The following WARS2 variants were observed in gnomAD, a reference collection of about 807,000 sequenced individuals.
The protein encoded by WARS2 is tryptophan--tRNA ligase, mitochondrial.
In WARS2, 28 loss-of-function variants were observed where a neutral mutation model predicts 36.5. The ratio of observed to expected loss-of-function variants is 0.77; its 90% CI spans 0.57 to 1.05. WARS2 has a LOEUF of 1.05. Among genes scored for constraint, WARS2 ranks in the 50% least tolerant of loss-of-function variants. The probability of loss-of-function intolerance (pLI) is 0.00; values close to 1 mark genes in which losing one functional copy is unlikely to be tolerated. For synonymous variants in WARS2, 174 were observed against 178.4 expected (o/e 0.98, Z 0.20); for missense variants, 435 against 456.8 (o/e 0.95, Z 0.44).
intron 1 of WARS2, among the ~76,000 whole-genome samples, chr1:119,128,332 A>G (rs947219186): frequency 6.6e-6 from 1 of 151,988 alleles, no homozygotes; most frequent in African/African-American, 2.4e-5. Flanking sequence ...CAGCCTCCCA[A>G]AGTGCTGGGA....
intron 1 of WARS2, chr1:119,139,910 C>G (rs957413435): frequency 1.3e-5 from 2 of 152,052 alleles, no homozygotes; most frequent in African/African-American, 4.8e-5. Flanking sequence ...AAGACCAGGC[C>G]GCGACATGGT....
At chr1:119,101,322 A>T (rs1362508541) in intron 1 of WARS2, among the ~76,000 whole-genome samples, 1 of 152,206 alleles carries the variant, frequency 6.6e-6, no homozygotes, top group Non-Finnish European at 1.5e-5. Context: ...AAATAAAAAT[A>T]AAAATAAAAT....
intron 2 of WARS2, chr1:119,047,540 T>A (rs779144360): frequency 1.3e-5 from 2 of 152,212 alleles, no homozygotes; most frequent in Admixed American, 1.3e-4. Context: ...ATGGTGAGCA[T>A]AAAATTAATT....
chr1:119,129,633 T>C (rs1266146982), intron 1 of WARS2, among the ~76,000 whole-genome samples: 5 of 152,024 alleles, frequency 3.3e-5, no homozygotes, highest in Admixed American at 2.6e-4. Context: ...GAGGATCGCT[T>C]GAGTCCAGGA....
intron 1 of WARS2, among the ~76,000 whole-genome samples, chr1:119,079,366 G>A (rs778981154): frequency 4.0e-5 from 6 of 151,720 alleles, no homozygotes; most frequent in African/African-American, 4.8e-5. Flanking sequence ...CCCTTTATAC[G>A]TATCAATATA....
intron 1 of WARS2, among the ~76,000 whole-genome samples, chr1:119,107,689 G>C (rs1654340741): frequency 8.6e-6 from 1 of 116,116 alleles, no homozygotes; most frequent in South Asian, 2.5e-4. Context: ...GAGAGAGAGA[G>C]AGAGAGAGAT....
intron 2 of WARS2, among the ~76,000 whole-genome samples, chr1:119,072,307 G>C (rs1651387734): frequency 1.3e-5 from 2 of 152,162 alleles, no homozygotes; most frequent in South Asian, 4.1e-4. Context: ...GGTAAGCACA[G>C]CTTCTACTCA....
At chr1:119,127,262 CATA>C in intron 1 of WARS2, 2 of 742,954 alleles carry the variant, frequency 2.7e-6, no homozygotes, top group Non-Finnish European at 4.7e-6. Flanking sequence ...TGCCGCCTTT[CATA>C]AGGCGCTTGT....
chr1:119,134,763 C>T (rs1401549091), intron 1 of WARS2, among the ~76,000 whole-genome samples: 1 of 152,136 alleles, frequency 6.6e-6, no homozygotes, highest in Non-Finnish European at 1.5e-5. Flanking sequence ...GCAGCTTCTA[C>T]CCTAAAGGAG....
chr1:119,094,032 C>G (rs1317039963), intron 1 of WARS2, among the ~76,000 whole-genome samples: 2 of 152,180 alleles, frequency 1.3e-5, no homozygotes, highest in Non-Finnish European at 2.9e-5. Flanking sequence ...ATTACATAGA[C>G]CATGTCAAAT....
intron 1 of WARS2, among the ~76,000 whole-genome samples, chr1:119,128,306 G>A (rs986350802): frequency 9.9e-5 from 15 of 151,942 alleles, no homozygotes; most frequent in African/African-American, 3.6e-4. Flanking sequence ...AAACTCCTCA[G>A]GTGATCCACT....
chr1:119,051,630 G>A (rs1420930943), intron 2 of WARS2, among the ~76,000 whole-genome samples: 1 of 152,022 alleles, frequency 6.6e-6, no homozygotes, highest in Non-Finnish European at 1.5e-5. Context: ...TTTCCACAAT[G>A]GTTGAACTAA....
chr1:119,034,889 A>C (rs1380552178), intron 4 of WARS2, among the ~76,000 whole-genome samples: 1 of 152,234 alleles, frequency 6.6e-6, no homozygotes, highest in Non-Finnish European at 1.5e-5. Flanking sequence ...ACAAGTGCCT[A>C]TGGAAATATA....
rs763532535 is a variant in WARS2, at chr1:119,032,406, G to A, written c.*505C>T. On this transcript the variant is annotated 3_prime_UTR_variant, in exon 6 of 6. Transcript: ENST00000235521. ...GCTTAAATATATTAAATCAGGCACC[G>A]TCTCAGTGACAAACAAACTATAAGA... 2 of 153,146 alleles carry A rather than the reference G, an allele frequency of 1.3e-5. No homozygotes were observed. Among genetic ancestry groups the A allele is most frequent in the East Asian group, 1.9e-4 (1 of 5,202 alleles). 9.5% of individuals were successfully genotyped at this position (153,146 alleles called of 1,614,324 possible). A position where few individuals can be genotyped will look rare whatever the true frequency, so the allele number is the denominator to read the frequency against.
chr1:119,048,565 T>A (rs1286569149), intron 2 of WARS2, among the ~76,000 whole-genome samples: 1 of 152,132 alleles, frequency 6.6e-6, no homozygotes, highest in Non-Finnish European at 1.5e-5. Context: ...CAGCTTAATA[T>A]CACAATGATA....
intron 1 of WARS2, among the ~76,000 whole-genome samples, chr1:119,098,652 T>C (rs1219791428): frequency 2.6e-5 from 4 of 152,152 alleles, no homozygotes; most frequent in Non-Finnish European, 5.9e-5. Flanking sequence ...TTGGCCAGAC[T>C]AGTCTCGAAC....
At chr1:119,055,289 A>G (rs149530735) in intron 2 of WARS2, among the ~76,000 whole-genome samples, 1 of 152,244 alleles carries the variant, frequency 6.6e-6, no homozygotes, top group Non-Finnish European at 1.5e-5. Context: ...ACAAGTCTAG[A>G]ATTAGAGAGA....
chr1:119,055,400 G>A (rs549078893), intron 2 of WARS2, among the ~76,000 whole-genome samples: 1 of 152,200 alleles, frequency 6.6e-6, no homozygotes, highest in East Asian at 1.9e-4. Context: ...ATTATCTGAG[G>A]TCAGGAGTTC....
chr1:119,076,275 T>C, intron 2 of WARS2, 75 bp downstream of exon 2: 1 of 1,562,498 alleles, frequency 6.4e-7, no homozygotes. Flanking sequence ...GCAGGGGCTG[T>C]ATGAACCATT....
Sources: gnomAD v4.1 joint callset for allele counts (sites outside exome capture counted in the v4.1 genomes callset) on GRCh38, gnomAD v4.1.1 for gene constraint, MANE v1.5 for transcripts, NCBI Gene and HGNC (gene_info 2026-07-23, HGNC 2026-07-21) for gene names.